Variants in GRXCR1 observed in about 807,000 individuals in gnomAD.
GRXCR1 encodes the protein glutaredoxin and cysteine rich domain containing 1.
In GRXCR1, 27 loss-of-function variants were observed where a neutral mutation model predicts 27.3. That is an observed-to-expected ratio of 0.99 (90% CI 0.73 to 1.37). The LOEUF (loss-of-function observed/expected upper bound fraction) is 1.37. Ranked by LOEUF, GRXCR1 falls within the 40% of genes most tolerant of loss-of-function variation. The pLI, the probability that GRXCR1 is intolerant of heterozygous loss-of-function variation, is 0.00. For synonymous variants in GRXCR1, 122 were observed against 131.1 expected (o/e 0.93, Z 0.47); for missense variants, 379 against 354.4 (o/e 1.07, Z -0.56).
At chr4:42,903,106 G>C (rs1173250842) in intron 1 of GRXCR1, among the ~76,000 whole-genome samples, 1 of 152,072 alleles carries the variant, frequency 6.6e-6, no homozygotes, top group Non-Finnish European at 1.5e-5. Flanking sequence ...GAGCCCGAAG[G>C]CTGAAGATTT....
intron 2 of GRXCR1, among the ~76,000 whole-genome samples, chr4:42,995,819 A>G (rs975551882): frequency 6.6e-6 from 1 of 152,238 alleles, no homozygotes; most frequent in African/African-American, 2.4e-5. Flanking sequence ...ACAAAATATC[A>G]GGTTTGAAGA....
At position 42,893,581 on chromosome 4, in the gene GRXCR1, A is replaced by G. The variant is rs750091878; in HGVS notation, c.315A>G (p.Thr105=). ...RRVNILSKNG[T]VRGVKYKVSA... ...TCAACATTTTAAGCAAAAATGGCACAGTCAGAGGCGTCAAATACAAAGTGA... is the reference window on the plus strand; with the variant it reads ...TCAACATTTTAAGCAAAAATGGCACGGTCAGAGGCGTCAAATACAAAGTGA... The change falls in exon 1 of 4, where the codon ACA becomes ACG. Residue 105 remains threonine (T), a synonymous_variant. Coordinates refer to ENST00000399770, the MANE Select transcript of GRXCR1 (RefSeq NM_001080476.3). 1.7e-5 allele frequency: 28 copies of G among 1,613,790 alleles called. 1 individual carries two copies. In the South Asian group the frequency reaches 2.6e-4, roughly 15 times the overall value.
At chr4:42,927,961 T>G (rs1210462437) in intron 1 of GRXCR1, among the ~76,000 whole-genome samples, 2 of 152,012 alleles carry the variant, frequency 1.3e-5, no homozygotes. Context: ...TTGCTTGAGC[T>G]TAAACAAGTT....
intron 1 of GRXCR1, among the ~76,000 whole-genome samples, chr4:42,947,738 A>T (rs538713214): frequency 6.6e-6 from 1 of 152,238 alleles, no homozygotes; most frequent in Admixed American, 6.5e-5. Context: ...TCCAGAAATA[A>T]TTTTTTCTTC....
At chr4:42,951,015 T>C (rs1047205299) in intron 1 of GRXCR1, among the ~76,000 whole-genome samples, 1 of 152,196 alleles carries the variant, frequency 6.6e-6, no homozygotes. Context: ...TAAGAAGCCC[T>C]ACAACCTGTA....
At chr4:42,972,222 A>G (rs1163403645) in intron 2 of GRXCR1, among the ~76,000 whole-genome samples, 2 of 152,062 alleles carry the variant, frequency 1.3e-5, no homozygotes, top group East Asian at 3.9e-4. Flanking sequence ...TTAGGTTTTT[A>G]TTACTCTTCC....
rs775459452 is a variant in GRXCR1 at position 43,030,524 on chromosome 4, A to C, written c.857A>C (p.Lys286Thr). The C allele has an allele frequency of 6.2e-7, 1 of 1,614,136 alleles. No homozygotes were observed. Among genetic ancestry groups the C allele is most frequent in the South Asian group, 1.1e-5 (1 of 91,086 alleles). The change falls in exon 4 of 4, where the codon AAG becomes ACG. Residue 286 changes from lysine (K) to threonine (T), a missense_variant. By Grantham distance (78) the Lys-to-Thr change is moderately conservative (BLOSUM62 -1). Coordinates refer to ENST00000399770, the MANE Select transcript of GRXCR1 (RefSeq NM_001080476.3). ...ACNENGLQRC[K>T]NCAG ...AATGAAAATGGTCTTCAGCGTTGTA[A>C]GAACTGTGCTGGTTAATTGGAGCTT...
intron 2 of GRXCR1, among the ~76,000 whole-genome samples, chr4:42,969,868 G>C (rs573717127): frequency 1.9e-4 from 29 of 152,182 alleles, no homozygotes; most frequent in African/African-American, 6.0e-4. Flanking sequence ...TAACCCAAAA[G>C]TCTAAGTTCA....
Position 43,008,290 on chromosome 4 carries a change from A to G in GRXCR1, c.628-12064A>G, listed in dbSNP as rs552470891. ...CCCATCTTCTAAACAAGAGGACGGT[A>G]TATTTACTTTCTGGATGGTCCCAAT... is the stretch of plus-strand genomic sequence containing the variant. On this transcript the variant is annotated intron_variant, in intron 2 of 3. Coordinates refer to ENST00000399770, the MANE Select transcript of GRXCR1 (RefSeq NM_001080476.3). Among the ~76,000 whole-genome samples, 8 of 152,284 alleles carry G rather than the reference A, an allele frequency of 5.3e-5. No homozygotes were observed. The Middle Eastern group carries it at 0.01, about 194-fold the overall frequency.
chr4:42,976,041 T>C (rs1260458196), intron 2 of GRXCR1, among the ~76,000 whole-genome samples: 5 of 152,154 alleles, frequency 3.3e-5, no homozygotes, highest in Admixed American at 1.3e-4. Context: ...AAATTGATTG[T>C]CACATTTACC....
chr4:42,982,161 C>T (rs941554024), intron 2 of GRXCR1, among the ~76,000 whole-genome samples: 1 of 151,856 alleles, frequency 6.6e-6, no homozygotes, highest in Non-Finnish European at 1.5e-5. Context: ...CCCACTAACT[C>T]GTCATCTAGC....
At chr4:42,993,147 T>C (rs1712028801) in intron 2 of GRXCR1, among the ~76,000 whole-genome samples, 2 of 152,110 alleles carry the variant, frequency 1.3e-5, no homozygotes. Context: ...CCAAGTAAAC[T>C]GTATTTTATC....
chr4:42,893,199 G>T lies in GRXCR1; in HGVS notation c.-68G>T, dbSNP rs1201193701. On this transcript the variant is annotated 5_prime_UTR_variant, in exon 1 of 4. Transcript: ENST00000399770. ...GAATTGGCTCTGATATTGCTATCTG[G>T]CAAGTGGACTAGTGCAGTAACAACG... is the stretch of plus-strand genomic sequence containing the variant. 6.4e-7 allele frequency: 1 copy of T among 1,573,710 alleles called. No individual in the cohort carries two copies. Among genetic ancestry groups the T allele is most frequent in the Non-Finnish European group, 8.7e-7 (1 of 1,145,356 alleles).
chr4:43,023,952 C>A (rs544258721), intron 3 of GRXCR1, among the ~76,000 whole-genome samples: 68 of 152,152 alleles, frequency 4.5e-4, no homozygotes, highest in Non-Finnish European at 9.0e-4. Context: ...AACGAAGTGT[C>A]TAAGGAGTCC....
chr4:42,928,334 C>A (rs929434816), intron 1 of GRXCR1, among the ~76,000 whole-genome samples: 1 of 151,954 alleles, frequency 6.6e-6, no homozygotes, highest in African/African-American at 2.4e-5. Flanking sequence ...ACCCATCCAG[C>A]AGATGACATG....
At chr4:42,989,105 T>A (rs1208394280) in intron 2 of GRXCR1, among the ~76,000 whole-genome samples, 1 of 152,208 alleles carries the variant, frequency 6.6e-6, no homozygotes, top group Non-Finnish European at 1.5e-5. Context: ...AAACACACTT[T>A]CTATAATTTC....
chr4:42,915,273 G>T (rs138088210), intron 1 of GRXCR1, among the ~76,000 whole-genome samples: 1 of 152,204 alleles, frequency 6.6e-6, no homozygotes, highest in African/African-American at 2.4e-5. Flanking sequence ...GGATGGGAAC[G>T]ATGCAAGGCC....
chr4:42,921,737 C>G (rs1747015937), intron 1 of GRXCR1, among the ~76,000 whole-genome samples: 1 of 151,996 alleles, frequency 6.6e-6, no homozygotes, highest in South Asian at 2.1e-4. Flanking sequence ...ATAATGATAC[C>G]AGAATGTTCT....
intron 2 of GRXCR1, among the ~76,000 whole-genome samples, chr4:43,002,316 C>CA (rs1222895212): frequency 2.0e-5 from 3 of 152,284 alleles, no homozygotes; most frequent in Admixed American, 6.5e-5. Flanking sequence ...CTTTCAAGGG[C>CA]AGAGGTCCCT....
Sources: allele counts gnomAD v4.1 joint callset (sites outside exome capture counted in the v4.1 genomes callset), GRCh38; gene constraint gnomAD v4.1.1; transcripts MANE v1.5; gene names NCBI Gene and HGNC (gene_info 2026-07-23, HGNC 2026-07-21).